MYO1B: variants seen among roughly 807,000 people sequenced by gnomAD.
MYO1B encodes unconventional myosin-Ib.
A neutral mutation model predicts 159.7 loss-of-function variants in MYO1B; 72 were observed. That is an observed-to-expected ratio of 0.45 (90% confidence interval 0.37 to 0.55). The LOEUF (loss-of-function observed/expected upper bound fraction) is 0.55, where lower values mean the gene tolerates loss of function less well. Among genes scored for constraint, MYO1B ranks in the 20% least tolerant of loss-of-function variants. MYO1B has a pLI of 0.00. For synonymous variants in MYO1B, 468 were observed against 473.8 expected (o/e 0.99, Z 0.16); for missense variants, 1,062 against 1,364.8 (o/e 0.78, Z 3.50).
chr2:191,289,347 G>A (rs1240783085), intron 2 of MYO1B, among the ~76,000 whole-genome samples: 1 of 152,216 alleles, frequency 6.6e-6, no homozygotes, highest in African/African-American at 2.4e-5. Flanking sequence ...TTGTCTCCTT[G>A]TCTTGATTTC....
intron 6 of MYO1B, among the ~76,000 whole-genome samples, chr2:191,349,062 C>T (rs1692751889): frequency 6.6e-6 from 1 of 152,200 alleles, no homozygotes; most frequent in African/African-American, 2.4e-5. Context: ...TGGCATAGCA[C>T]CAGGACCCAC....
chr2:191,380,205 A>G (rs1488757312), intron 13 of MYO1B, among the ~76,000 whole-genome samples: 2 of 152,260 alleles, frequency 1.3e-5, no homozygotes, highest in Non-Finnish European at 2.9e-5. Context: ...ATGCTGCAGC[A>G]TAAGTATCAT....
intron 30 of MYO1B, among the ~76,000 whole-genome samples, chr2:191,422,303 C>CGATGCAGCTCTCAT (rs1697986994): frequency 6.6e-6 from 1 of 152,170 alleles, no homozygotes; most frequent in Non-Finnish European, 1.5e-5. Context: ...TCTGGCCCAG[C>CGATGCAGCTCTCAT]GATGCAGCTC....
chr2:191,360,755 T>G (rs1473032821), intron 8 of MYO1B, 26 bp downstream of exon 8: 11 of 1,113,890 alleles, frequency 9.9e-6, no homozygotes, highest in Non-Finnish European at 1.5e-5. Context: ...TATGTGGTGT[T>G]GTTGTTGTTG....
chr2:191,356,645 G>C (rs1693312113), intron 7 of MYO1B, among the ~76,000 whole-genome samples: 1 of 152,140 alleles, frequency 6.6e-6, no homozygotes, highest in South Asian at 2.1e-4. Context: ...ATTAACCTCA[G>C]ATTAATGAAT....
At chr2:191,390,785 G>GGGTAGAATTT (rs113183146) in intron 18 of MYO1B, among the ~76,000 whole-genome samples, 9,519 of 152,198 alleles carry the variant, frequency 0.063, 1,002 homozygotes, top group African/African-American at 0.22. Context: ...AATCATAGAA[G>GGGTAGAATTT]GGTAGAATTA....
intron 28 of MYO1B, 107 bp downstream of exon 28, chr2:191,414,287 C>T: frequency 7.3e-7 from 1 of 1,378,016 alleles, no homozygotes; most frequent in East Asian, 2.4e-5. Flanking sequence ...GTAGAGTTAA[C>T]TATGAAGGCG....
chr2:191,298,088 C>T (rs977305040), intron 3 of MYO1B, among the ~76,000 whole-genome samples: 30 of 152,196 alleles, frequency 2.0e-4, no homozygotes, highest in African/African-American at 7.0e-4. Context: ...AATTAAGGAA[C>T]ATATATATAC....
Position 191,402,734 on chromosome 2 carries a change from C to A in MYO1B, c.2556+16C>A, listed in dbSNP as rs777297510. The A allele has an allele frequency of 3.7e-6, 6 of 1,602,518 alleles. No individual in the cohort carries two copies. Among genetic ancestry groups the A allele is most frequent in the Non-Finnish European group, 5.1e-6 (6 of 1,173,800 alleles). ...TGGACTGAAGGTACTTCCTCAACCA[C>A]TTGTTTCTGTCCAGGGTGAACTTCA... On this transcript the variant is annotated intron_variant, in intron 24 of 30. Transcript: ENST00000392318.
At chr2:191,305,797 C>T (rs1689616720) in intron 3 of MYO1B, among the ~76,000 whole-genome samples, 1 of 151,766 alleles carries the variant, frequency 6.6e-6, no homozygotes, top group East Asian at 1.9e-4. Flanking sequence ...TGGTGTGGTC[C>T]CCTGGGAAAT....
chr2:191,265,130 A>G (rs1247306624), intron 1 of MYO1B, among the ~76,000 whole-genome samples: 2 of 151,696 alleles, frequency 1.3e-5, no homozygotes, highest in Non-Finnish European at 2.9e-5. Flanking sequence ...AGTGCACTAA[A>G]TTCAGTACAT....
chr2:191,263,967 T>C (rs1253008532), intron 1 of MYO1B, among the ~76,000 whole-genome samples: 2 of 152,224 alleles, frequency 1.3e-5, no homozygotes, highest in Admixed American at 1.3e-4. Context: ...TTGATTTGTT[T>C]GTAGTGTCTT....
intron 3 of MYO1B, among the ~76,000 whole-genome samples, chr2:191,306,217 A>G (rs1689642250): frequency 6.6e-6 from 1 of 152,110 alleles, no homozygotes; most frequent in South Asian, 2.1e-4. Flanking sequence ...GAGATGTTAT[A>G]TTTCAGTATC....
intron 2 of MYO1B, among the ~76,000 whole-genome samples, chr2:191,293,096 A>G (rs1432738629): frequency 6.6e-6 from 1 of 152,242 alleles, no homozygotes; most frequent in Non-Finnish European, 1.5e-5. Context: ...GCTTCCAGCC[A>G]CAGTCATAAA....
chr2:191,421,036 A>G (rs183514802), intron 30 of MYO1B, among the ~76,000 whole-genome samples: 15 of 152,020 alleles, frequency 9.9e-5, no homozygotes, highest in South Asian at 4.2e-4. Flanking sequence ...CAAATCCTCA[A>G]TATATCTTGC....
chr2:191,298,845 G>A (rs1689139844), intron 3 of MYO1B, among the ~76,000 whole-genome samples: 1 of 152,156 alleles, frequency 6.6e-6, no homozygotes, highest in Non-Finnish European at 1.5e-5. Context: ...CACACAGCTG[G>A]TGGGAGTGGA....
intron 3 of MYO1B, among the ~76,000 whole-genome samples, chr2:191,303,849 A>G (rs1021883576): frequency 7.9e-5 from 12 of 152,218 alleles, no homozygotes; most frequent in Non-Finnish European, 1.3e-4. Flanking sequence ...TAGCTTGTAC[A>G]GAAGGGGATT....
chr2:191,390,442 A>T lies in MYO1B; in HGVS notation c.1932A>T (p.Arg644Ser). 6.2e-7 allele frequency: 1 copy of T among 1,614,250 alleles called. No homozygotes were observed. Among genetic ancestry groups the T allele is most frequent in the Non-Finnish European group, 8.5e-7 (1 of 1,180,038 alleles). Residue 644 changes from arginine (R) to serine (S), a missense_variant, in exon 18 of 31, where the codon AGA (arginine) becomes AGT (serine). Arg to Ser is a moderately radical substitution (Grantham distance 110, BLOSUM62 -1). This residue lies in a region of MYO1B where 609 missense variants were observed against 744.4 expected (regional missense o/e 0.82). Coordinates refer to ENST00000392318, the MANE Select transcript of MYO1B (RefSeq NM_001130158.3). ...FRQAYEPCLE[R>S]YKMLCKQTWP... Reference sequence around the variant, plus strand: ...AGGCCTATGAACCTTGCCTAGAAAGATACAAAATGCTTTGTAAACAAACAT... The same window carrying T: ...AGGCCTATGAACCTTGCCTAGAAAGTTACAAAATGCTTTGTAAACAAACAT...
intron 1 of MYO1B, among the ~76,000 whole-genome samples, chr2:191,255,480 A>G (rs1686383113): frequency 6.6e-6 from 1 of 152,196 alleles, no homozygotes; most frequent in Non-Finnish European, 1.5e-5. Flanking sequence ...AGTTGGTGTT[A>G]AAGAATGAGG....
Sources: gnomAD v4.1 joint callset for allele counts (sites outside exome capture counted in the v4.1 genomes callset) on GRCh38, gnomAD v4.1.1 for gene constraint, gnomAD v4.1.1 regional missense constraint, MANE v1.5 for transcripts, NCBI Gene and HGNC (gene_info 2026-07-23, HGNC 2026-07-21) for gene names.